The following SLC12A8 variants were observed in gnomAD, a reference collection of about 807,000 sequenced individuals.
SLC12A8 encodes cation-chloride cotransporter 9.
SLC12A8 carries 69 observed loss-of-function variants against 75.6 expected under a neutral mutation model. The ratio of observed to expected loss-of-function variants is 0.91; its 90% CI spans 0.75 to 1.11. The LOEUF (loss-of-function observed/expected upper bound fraction) is 1.11. SLC12A8 is among the 50% of genes most tolerant of loss of function. The pLI, the probability that SLC12A8 is intolerant of heterozygous loss-of-function variation, is 0.00. For synonymous variants in SLC12A8, 365 were observed against 372.8 expected, an observed-to-expected ratio of 0.98 and a Z score of 0.24; for missense variants, 877 against 896.7, an observed-to-expected ratio of 0.98 and a Z score of 0.28.
chr3:125,200,742 G>GTT (rs1308980750), intron 2 of SLC12A8, among the ~76,000 whole-genome samples: 1 of 152,126 alleles, frequency 6.6e-6, no homozygotes, highest in African/African-American at 2.4e-5. Context: ...TTTTAAATTT[G>GTT]TTTTTGCTTT....
intron 5 of SLC12A8, among the ~76,000 whole-genome samples, chr3:125,172,095 G>A (rs1333761618): frequency 6.6e-6 from 1 of 152,042 alleles, no homozygotes; most frequent in African/African-American, 2.4e-5. Context: ...CCAACATGGT[G>A]ATACCCTGTC....
intron 5 of SLC12A8, among the ~76,000 whole-genome samples, chr3:125,170,009 C>A (rs1934374585): frequency 4.5e-4 from 1 of 2,244 alleles, no homozygotes; most frequent in African/African-American, 1.7e-3. Flanking sequence ...ATAGACAATT[C>A]AAAGAAAAAA....
At position 125,083,793 on chromosome 3, in the gene SLC12A8, G is replaced by A. The variant is rs1938388178; in HGVS notation, c.*97C>T. 15 of 1,198,218 alleles carry A rather than the reference G, an allele frequency of 1.3e-5. No individual in the cohort carries two copies. The South Asian group carries it at 1.6e-4, about 13-fold the overall frequency. 74.2% of individuals were successfully genotyped at this position (1,198,218 alleles called of 1,614,324 possible). A position where few individuals can be genotyped will look rare whatever the true frequency, so the allele number is the denominator to read the frequency against. Reference sequence around the variant, plus strand: ...AAGTGACAGCGGGAGGATGGGTCTTGAGTTTCTCAGGTTGGAGAAGCAGCT... The same window carrying A: ...AAGTGACAGCGGGAGGATGGGTCTTAAGTTTCTCAGGTTGGAGAAGCAGCT... On this transcript the variant is annotated 3_prime_UTR_variant, in exon 14 of 14. Transcript: ENST00000469902.
At chr3:125,100,989 C>T (rs563693137) in intron 10 of SLC12A8, among the ~76,000 whole-genome samples, 12 of 123,522 alleles carry the variant, frequency 9.7e-5, no homozygotes, top group East Asian at 4.8e-4. Context: ...GTCCGCAGTC[C>T]GGCCTGGGCG....
At chr3:125,098,483 A>T (rs1428471258) in intron 10 of SLC12A8, among the ~76,000 whole-genome samples, 1 of 151,892 alleles carries the variant, frequency 6.6e-6, no homozygotes, top group Admixed American at 6.6e-5. Context: ...ATCTTGAAAG[A>T]TCATTCTCCA....
chr3:125,141,198 A>C (rs1933626945), intron 5 of SLC12A8, among the ~76,000 whole-genome samples: 1 of 152,198 alleles, frequency 6.6e-6, no homozygotes, highest in South Asian at 2.1e-4. Flanking sequence ...GACAGAGAAC[A>C]AATGACAACA....
At chr3:125,094,829 C>T (rs1938673511) in intron 10 of SLC12A8, among the ~76,000 whole-genome samples, 1 of 152,186 alleles carries the variant, frequency 6.6e-6, no homozygotes, top group Non-Finnish European at 1.5e-5. Flanking sequence ...ACCAAAGTTG[C>T]CAATGATTTG....
At chr3:125,147,565 G>A (rs758689378) in intron 5 of SLC12A8, among the ~76,000 whole-genome samples, 2 of 152,272 alleles carry the variant, frequency 1.3e-5, no homozygotes, top group Admixed American at 6.5e-5. Context: ...TCCTCCCTCC[G>A]GATCCCCTCC....
rs373484745 is a variant in SLC12A8, at chr3:125,103,446, T to G, written c.1705+4035A>C. Among the ~76,000 whole-genome samples the G allele has an allele frequency of 1.4e-3, 205 of 147,740 alleles. 3 individuals are homozygous for G. Among genetic ancestry groups the G allele is most frequent in the African/African-American group, 4.9e-3 (196 of 40,066 alleles). ...GTACAAAGCTCTTCTAAACAGTTTT[T>G]TAGTACTTCACTTAAAAAAAAAAAA... On this transcript the variant is annotated intron_variant, in intron 10 of 13. Transcript: ENST00000469902.
At chr3:125,167,710 A>G (rs1467791197) in intron 5 of SLC12A8, among the ~76,000 whole-genome samples, 2 of 152,252 alleles carry the variant, frequency 1.3e-5, no homozygotes, top group Non-Finnish European at 2.9e-5. Context: ...TGCCTTCTTC[A>G]TGTACAATTT....
chr3:125,125,409 A>C (rs1011013470), intron 6 of SLC12A8, among the ~76,000 whole-genome samples: 1 of 152,114 alleles, frequency 6.6e-6, no homozygotes, highest in Non-Finnish European at 1.5e-5. Flanking sequence ...AATACAAAAA[A>C]TTAGCCAGGC....
In SLC12A8 at chr3:125,110,311, G is replaced by C. The variant is rs772155850; in HGVS notation, c.937C>G (p.Leu313Val). 1.0e-4 allele frequency: 164 copies of C among 1,613,774 alleles called. No individual in the cohort carries two copies. The highest frequency in any genetic ancestry group is 1.3e-4 in the Admixed American group (8 of 59,976). The change falls in exon 9 of 14, where the codon CTT becomes GTT. Residue 313 changes from leucine (L) to valine (V), a missense_variant. Physicochemically the swap from Leu to Val is conservative, Grantham distance 32. Transcript: ENST00000469902. ...EKVSLMGFLF[L>V]LGLYISSLAS... Reference sequence around the variant, plus strand: ...AGGGACGAGATGTATAAGCCCAAAAGGAACAGGAAGCCCATGAGGGATACC... The same window carrying C: ...AGGGACGAGATGTATAAGCCCAAAACGAACAGGAAGCCCATGAGGGATACC...
chr3:125,113,690 G>C (rs1939239961), intron 8 of SLC12A8, among the ~76,000 whole-genome samples: 1 of 152,186 alleles, frequency 6.6e-6, no homozygotes, highest in African/African-American at 2.4e-5. Flanking sequence ...TAAATAAACA[G>C]TGATTCTTTT....
chr3:125,160,904 G>A (rs547599693), intron 5 of SLC12A8, among the ~76,000 whole-genome samples: 2 of 152,324 alleles, frequency 1.3e-5, no homozygotes, highest in African/African-American at 2.4e-5. Flanking sequence ...TTCCAACAGT[G>A]GCTATGTGTG....
chr3:125,135,722 C>A lies in SLC12A8; in HGVS notation c.683G>T (p.Ser228Ile), dbSNP rs763748995. 8.7e-6 allele frequency: 14 copies of A among 1,610,516 alleles called. No individual in the cohort carries two copies. The highest frequency in any genetic ancestry group is 3.3e-4 in the Middle Eastern group (2 of 6,068). Residue 228 changes from serine (S) to isoleucine (I), a missense_variant, in exon 6 of 14, where the codon AGC becomes ATC. Physicochemically the swap from Ser to Ile is moderately radical, Grantham distance 142. Coordinates refer to ENST00000469902, the MANE Select transcript of SLC12A8 (RefSeq NM_024628.6). ...LLQNNTLPDY[S>I]PGESFFTVFG... is the part of the protein sequence containing the mutation. ...GACAGTGAAAAAAGATTCCCCCGGGCTGTAATCGGGCAGCGTGTTGTTCTG... is the reference window on the plus strand; with the variant it reads ...GACAGTGAAAAAAGATTCCCCCGGGATGTAATCGGGCAGCGTGTTGTTCTG...
intron 2 of SLC12A8, among the ~76,000 whole-genome samples, chr3:125,198,969 G>A (rs1295776410): frequency 1.3e-5 from 2 of 151,790 alleles, no homozygotes; most frequent in Admixed American, 6.6e-5. Context: ...TAGTAGAGAT[G>A]GGGTTTCACC....
chr3:125,091,752 T>C (rs557585544), intron 11 of SLC12A8, among the ~76,000 whole-genome samples, 196 bp from the exon 12 acceptor site: 9 of 152,286 alleles, frequency 5.9e-5, no homozygotes, highest in Admixed American at 5.2e-4. Flanking sequence ...CTTCTGAAAA[T>C]AACTCTTTAA....
intron 4 of SLC12A8, among the ~76,000 whole-genome samples, chr3:125,185,745 T>TA (rs1283993570): frequency 6.6e-6 from 1 of 152,124 alleles, no homozygotes; most frequent in Non-Finnish European, 1.5e-5. Context: ...CAGCAATTTA[T>TA]AAAAAGGATT....
intron 5 of SLC12A8, among the ~76,000 whole-genome samples, chr3:125,147,050 T>C (rs769785170): frequency 1.3e-5 from 2 of 152,076 alleles, no homozygotes; most frequent in Non-Finnish European, 2.9e-5. Context: ...AAGGGCAAGG[T>C]GTGTGAGAAT....
Sources: allele counts gnomAD v4.1 joint callset (sites outside exome capture counted in the v4.1 genomes callset), GRCh38; gene constraint gnomAD v4.1.1; transcripts MANE v1.5; gene names NCBI Gene and HGNC (gene_info 2026-07-23, HGNC 2026-07-21).